Variants in ZNF69 observed in about 807,000 individuals in gnomAD.
ZNF69 encodes zinc finger protein 69.
ZNF69 carries 47 observed loss-of-function variants against 50.9 expected under a neutral mutation model. The ratio of observed to expected loss-of-function variants is 0.92; its 90% CI spans 0.73 to 1.18. The LOEUF is 1.18. ZNF69 is among the 50% of genes most tolerant of loss of function. The probability of loss-of-function intolerance (pLI) is 0.00; values close to 1 mark genes in which losing one functional copy is unlikely to be tolerated. For missense variants in ZNF69, 717 were observed against 675.1 expected (o/e 1.06, Z -0.69); for synonymous variants, 216 against 223.1 (o/e 0.97, Z 0.29).
At chr19:11,930,111 A>G in the ZNF69 span, among the ~76,000 whole-genome samples, 4 of 148,040 alleles carry the variant, frequency 2.7e-5, no homozygotes, top group Non-Finnish European at 1.5e-5. Flanking sequence ...CTGAATGACT[A>G]GTGGTGGAGG....
intron 1 of ZNF69, among the ~76,000 whole-genome samples, chr19:11,902,418 T>C (rs903876017): frequency 2.6e-5 from 4 of 152,190 alleles, no homozygotes; most frequent in Admixed American, 2.0e-4. Flanking sequence ...GGTGGTATAG[T>C]GGTTAAATCT....
the ZNF69 span, among the ~76,000 whole-genome samples, chr19:11,934,692 A>G: frequency 6.8e-6 from 1 of 147,010 alleles, no homozygotes; most frequent in Non-Finnish European, 1.5e-5. Flanking sequence ...TCTCCTGACC[A>G]ATTTTTGTAT....
the ZNF69 span, among the ~76,000 whole-genome samples, chr19:11,975,439 C>T: frequency 1.3e-5 from 2 of 150,040 alleles, no homozygotes; most frequent in South Asian, 2.1e-4. Flanking sequence ...GCTCTGTCGC[C>T]CAGGCTGGAC....
At position 11,904,745 on chromosome 19, in the gene ZNF69, G is replaced by A. The variant is rs1314148411; in HGVS notation, c.348G>A (p.Glu116=). Residue 116 remains glutamate (E), a synonymous_variant, in exon 4 of 4, where the codon GAG becomes GAA. Coordinates refer to ENST00000429654, the MANE Select transcript of ZNF69 (RefSeq NM_001364730.1). ...CAGATGACAGGCTGAACTTCCAGGA[G>A]AAGAAAGCTTCTCCTGAAATAAAAT... ...QVPDDRLNFQ[E]KKASPEIKSC... 2 of 1,613,868 alleles carry A rather than the reference G, an allele frequency of 1.2e-6. No homozygotes were observed. The highest frequency in any genetic ancestry group is 3.3e-5 in the Admixed American group (2 of 59,998).
At chr19:11,891,620 A>G (rs565675286) in intron 1 of ZNF69, among the ~76,000 whole-genome samples, 3 of 152,208 alleles carry the variant, frequency 2.0e-5, no homozygotes, top group East Asian at 1.9e-4. Flanking sequence ...TTATTACTCT[A>G]TTGATTTAAA....
intron 4 of ZNF69, among the ~76,000 whole-genome samples, chr19:11,912,461 G>A (rs1043604386): frequency 2.0e-5 from 3 of 152,130 alleles, no homozygotes; most frequent in African/African-American, 7.2e-5. Context: ...CAAGCAATGT[G>A]GCAAAGCTTT....
rs765970900 is a variant in ZNF69, at chr19:11,905,086, A to G, written c.689A>G (p.His230Arg). ...YKCKFCGKAF[H>R]CLSLYLIHER... ...TGTAAATTTTGTGGGAAAGCCTTCC[A>G]TTGTCTCAGTTTATATCTTATCCAT... Residue 230 changes from histidine (H) to arginine (R), a missense_variant, in exon 4 of 4, where the codon CAT becomes CGT. His to Arg is a conservative substitution (Grantham distance 29). Coordinates refer to ENST00000429654, the MANE Select transcript of ZNF69 (RefSeq NM_001364730.1). 6.8e-6 allele frequency: 11 copies of G among 1,614,160 alleles called. No individual in the cohort carries two copies. The highest frequency in any genetic ancestry group is 9.3e-6 in the Non-Finnish European group (11 of 1,180,022).
intron 1 of ZNF69, among the ~76,000 whole-genome samples, chr19:11,888,811 T>C (rs1977011376): frequency 6.6e-6 from 1 of 151,864 alleles, no homozygotes; most frequent in Admixed American, 6.6e-5. Context: ...CTACTAAAAA[T>C]ATAAAAAAGA....
downstream of ZNF69, among the ~76,000 whole-genome samples, chr19:11,915,752 A>G (rs1972516414): frequency 6.6e-6 from 1 of 151,798 alleles, no homozygotes; most frequent in South Asian, 2.1e-4. Context: ...AAAAATACAA[A>G]AAGTAGCTGG....
chr19:11,974,908 C>G, the ZNF69 span, among the ~76,000 whole-genome samples: 1 of 152,028 alleles, frequency 6.6e-6, no homozygotes, highest in Non-Finnish European at 1.5e-5. Flanking sequence ...TGGCTGCTAC[C>G]ATGATTGATT....
the ZNF69 span, chr19:11,977,498 GA>G: frequency 6.4e-7 from 1 of 1,555,708 alleles, no homozygotes; most frequent in East Asian, 2.2e-5. Context: ...ATGTTGAAGA[GA>G]AGTAAAACAA....
At chr19:11,912,526 C>T (rs1215943713) in intron 4 of ZNF69, among the ~76,000 whole-genome samples, 1 of 152,204 alleles carries the variant, frequency 6.6e-6, no homozygotes, top group Non-Finnish European at 1.5e-5. Context: ...GGGAGAAACC[C>T]TATCAGTGTA....
chr19:11,919,630 A>G, the ZNF69 span, among the ~76,000 whole-genome samples: 3 of 151,970 alleles, frequency 2.0e-5, no homozygotes, highest in South Asian at 6.2e-4. Flanking sequence ...AAACCCCAAC[A>G]TGGTCATATT....
the ZNF69 span, among the ~76,000 whole-genome samples, chr19:11,961,436 T>G: frequency 6.6e-6 from 1 of 152,188 alleles, no homozygotes; most frequent in East Asian, 1.9e-4. Context: ...CTGAGCTAAG[T>G]CACCCCAAGA....
At chr19:11,891,479 G>T (rs1266557119) in intron 1 of ZNF69, among the ~76,000 whole-genome samples, 3 of 151,978 alleles carry the variant, frequency 2.0e-5, no homozygotes, top group African/African-American at 7.2e-5. Flanking sequence ...GTGATTCTCT[G>T]TTACAGAGTA....
the ZNF69 span, among the ~76,000 whole-genome samples, chr19:11,920,565 T>C: frequency 6.6e-6 from 1 of 152,018 alleles, no homozygotes; most frequent in Non-Finnish European, 1.5e-5. Flanking sequence ...GATTAAGGCA[T>C]GGGAAACTGT....
At chr19:11,975,536 T>C in the ZNF69 span, among the ~76,000 whole-genome samples, 1 of 152,116 alleles carries the variant, frequency 6.6e-6, no homozygotes, top group Non-Finnish European at 1.5e-5. Context: ...TAGCTGAGAC[T>C]ACAGGCGCCC....
chr19:11,979,889 A>G, the ZNF69 span: 1 of 1,430,000 alleles, frequency 7.0e-7, no homozygotes, highest in African/African-American at 1.4e-5. Flanking sequence ...CTCTGTAGAA[A>G]GACCTTATAA....
the ZNF69 span, chr19:11,964,967 C>A: frequency 3.0e-5 from 15 of 499,918 alleles, no homozygotes; most frequent in East Asian, 5.5e-4. Flanking sequence ...CGGGGCCTAG[C>A]ATTCCATCCA....
Sources: allele counts gnomAD v4.1 joint callset (sites outside exome capture counted in the v4.1 genomes callset), GRCh38; gene constraint gnomAD v4.1.1; transcripts MANE v1.5; gene names NCBI Gene and HGNC (gene_info 2026-07-23, HGNC 2026-07-21).